The following NAALADL2 variants were observed in gnomAD, a reference collection of about 807,000 sequenced individuals.
NAALADL2 encodes inactive N-acetylated-alpha-linked acidic dipeptidase-like protein 2.
A neutral mutation model predicts 87.2 loss-of-function variants in NAALADL2; 76 were observed. That is an observed-to-expected ratio of 0.87 (90% CI 0.72 to 1.05). NAALADL2 has a LOEUF of 1.05. Ranked by LOEUF, NAALADL2 falls within the 50% of genes least tolerant of loss-of-function variation. NAALADL2 has a pLI of 0.00. For synonymous variants in NAALADL2, 354 were observed against 331.0 expected, an observed-to-expected ratio of 1.07 and a Z score of -0.75; for missense variants, 1,089 against 945.8, an observed-to-expected ratio of 1.15 and a Z score of -1.99.
intron 2 of NAALADL2, among the ~76,000 whole-genome samples, chr3:174,568,060 C>CAAAAGT (rs1714494785): frequency 6.6e-6 from 1 of 151,556 alleles, no homozygotes; most frequent in South Asian, 2.1e-4. Context: ...TAGTGTCTAC[C>CAAAAGT]TGTGAGGATA....
chr3:175,689,783 G>C (rs896891847), intron 11 of NAALADL2, among the ~76,000 whole-genome samples: 1 of 152,022 alleles, frequency 6.6e-6, no homozygotes, highest in Non-Finnish European at 1.5e-5. Flanking sequence ...ATGTCCACCA[G>C]CTTTAGGCTA....
chr3:175,052,180 A>AC (rs1446356980), intron 1 of NAALADL2, among the ~76,000 whole-genome samples: 1 of 152,246 alleles, frequency 6.6e-6, no homozygotes, highest in Non-Finnish European at 1.5e-5. Context: ...TCCTTAAGGC[A>AC]CAGATCACTC....
At chr3:174,746,919 A>G (rs1284614844) in intron 3 of NAALADL2, among the ~76,000 whole-genome samples, 1 of 152,190 alleles carries the variant, frequency 6.6e-6, no homozygotes, top group Admixed American at 6.5e-5. Context: ...GCTTATACAA[A>G]CATTAAACTC....
chr3:174,659,181 T>C (rs547122334), intron 2 of NAALADL2, among the ~76,000 whole-genome samples: 2 of 152,320 alleles, frequency 1.3e-5, no homozygotes, highest in African/African-American at 2.4e-5. Flanking sequence ...TATGACACTT[T>C]ATTGGTGCCT....
chr3:175,696,885 G>T (rs1012502889), intron 11 of NAALADL2, among the ~76,000 whole-genome samples: 1 of 152,040 alleles, frequency 6.6e-6, no homozygotes, highest in Non-Finnish European at 1.5e-5. Context: ...GAAAGTAGGG[G>T]CAACATTCAT....
rs751338020 is a variant in NAALADL2, at chr3:175,576,152, G to A, written c.1765G>A (p.Val589Met). The A allele has an allele frequency of 1.9e-5, 31 of 1,613,594 alleles. No homozygotes were observed. The highest frequency in any genetic ancestry group is 1.6e-4 in the Middle Eastern group (1 of 6,080). Residue 589 changes from valine to methionine, a missense_variant, in exon 10 of 14, where the codon GTG (valine) becomes ATG (methionine). By Grantham distance (21) the Val-to-Met change is conservative. Transcript: ENST00000454872. ...CATCAACCATCTTGGAGTTCCCATC[G>A]TGCAGTTTGCTTACGAGGACATCAA... Reference protein sequence around the residue: ...YFINHLGVPIVQFAYEDIKTL... With the variant: ...YFINHLGVPIMQFAYEDIKTL...
chr3:175,481,393 C>T (rs139458749), intron 9 of NAALADL2, among the ~76,000 whole-genome samples: 1 of 149,460 alleles, frequency 6.7e-6, no homozygotes, highest in Non-Finnish European at 1.5e-5. Context: ...ATACTCTTTT[C>T]CCTTTTCAAT....
chr3:174,625,057 C>CTCTTTTTTTT lies in NAALADL2; in HGVS notation c.-115+74421_-115+74422insCTTTTTTTTT, dbSNP rs748895219. Among the ~76,000 whole-genome samples, 3 of 78,846 alleles carry CTCTTTTTTTT rather than the reference C, an allele frequency of 3.8e-5. 1 individual carries two copies. The highest frequency in any genetic ancestry group is 1.0e-4 in the African/African-American group (2 of 19,810). The allele number at this position is 78,846 out of a possible 152,430, so 51.7% of individuals were successfully genotyped here. A position where few individuals can be genotyped will look rare whatever the true frequency, so the allele number is the denominator to read the frequency against. ...TATTTATTGCTATCTCTCTCTCTCT[C>CTCTTTTTTTT]TTTTTTTTTTTTTTTTTTTGAGACA... On this transcript the variant is annotated intron_variant, in intron 2 of 3. Transcript: ENST00000434257.
chr3:174,964,022 T>C (rs11923988), intron 1 of NAALADL2, among the ~76,000 whole-genome samples: 7,998 of 115,556 alleles, frequency 0.069, 266 homozygotes, highest in African/African-American at 0.11. Flanking sequence ...TCGCATGTTA[T>C]TAAATCTTTT....
intron 1 of NAALADL2, among the ~76,000 whole-genome samples, chr3:174,929,302 TG>T (rs1461909384): frequency 8.5e-5 from 13 of 152,312 alleles, no homozygotes; most frequent in African/African-American, 3.1e-4. Flanking sequence ...GTGAGGAAAG[TG>T]AAATGTCTGA....
chr3:174,775,348 A>C (rs916720648), intron 3 of NAALADL2, among the ~76,000 whole-genome samples: 1 of 151,978 alleles, frequency 6.6e-6, no homozygotes, highest in African/African-American at 2.4e-5. Context: ...TTCTGTCTCT[A>C]TAGTTTTGCC....
At chr3:174,784,408 G>C (rs1369325087) in intron 3 of NAALADL2, among the ~76,000 whole-genome samples, 1 of 152,194 alleles carries the variant, frequency 6.6e-6, no homozygotes, top group East Asian at 1.9e-4. Flanking sequence ...TGCCTTAACT[G>C]TCTTACTTCA....
intron 1 of NAALADL2, among the ~76,000 whole-genome samples, chr3:174,948,385 C>T (rs1739794633): frequency 6.6e-6 from 1 of 152,222 alleles, no homozygotes; most frequent in South Asian, 2.1e-4. Context: ...CCATGTTGGC[C>T]AGGCTGGTCT....
intron 9 of NAALADL2, among the ~76,000 whole-genome samples, chr3:175,532,992 T>C (rs1734302998): frequency 6.6e-6 from 1 of 152,232 alleles, no homozygotes; most frequent in Non-Finnish European, 1.5e-5. Flanking sequence ...GATCCTTTCC[T>C]CTTCATTAAA....
At chr3:175,389,605 T>C (rs778241666) in intron 5 of NAALADL2, among the ~76,000 whole-genome samples, 1 of 152,202 alleles carries the variant, frequency 6.6e-6, no homozygotes, top group Non-Finnish European at 1.5e-5. Flanking sequence ...TCTTTGCATT[T>C]GCGTAAACAA....
intron 4 of NAALADL2, among the ~76,000 whole-genome samples, chr3:175,314,481 A>G (rs1456434719): frequency 2.0e-5 from 3 of 148,742 alleles, no homozygotes; most frequent in East Asian, 4.0e-4. Flanking sequence ...AAGGATAAAG[A>G]GAGAACATAA....
At chr3:175,413,058 T>A (rs2149096025) in intron 5 of NAALADL2, among the ~76,000 whole-genome samples, 1 of 149,366 alleles carries the variant, frequency 6.7e-6, no homozygotes, top group South Asian at 2.2e-4. Flanking sequence ...CCGGTTAATT[T>A]TTTTGTATTT....
chr3:175,038,248 C>G (rs560751367), intron 1 of NAALADL2, among the ~76,000 whole-genome samples: 36 of 151,846 alleles, frequency 2.4e-4, no homozygotes, highest in Admixed American at 2.4e-3. Context: ...TTATAAAACA[C>G]AAAATTTTAG....
chr3:174,872,898 C>T (rs1247308673), intron 1 of NAALADL2, among the ~76,000 whole-genome samples: 5 of 152,160 alleles, frequency 3.3e-5, no homozygotes, highest in African/African-American at 1.2e-4. Context: ...GCCTTTATAA[C>T]TCCAGTCATT....
Sources: allele counts gnomAD v4.1 joint callset (sites outside exome capture counted in the v4.1 genomes callset), GRCh38; gene constraint gnomAD v4.1.1; transcripts MANE v1.5; gene names NCBI Gene and HGNC (gene_info 2026-07-23, HGNC 2026-07-21).